Variants in TEX101 observed in about 807,000 individuals in gnomAD.
TEX101 encodes testis expressed 101, also known as testis-expressed protein 101.
TEX101 carries 10 observed loss-of-function variants against 18.1 expected under a neutral mutation model. That is an observed-to-expected ratio of 0.55 (90% confidence interval 0.34 to 0.94). The LOEUF is 0.94. TEX101 is among the 40% of genes least tolerant of loss of function. The pLI is 0.02. For missense variants in TEX101, 259 were observed against 298.9 expected (o/e 0.87, Z 0.98); for synonymous variants, 94 against 114.8 (o/e 0.82, Z 1.16).
upstream of TEX101, among the ~76,000 whole-genome samples, chr19:43,410,692 CCATGCACA>C (rs1970411083): frequency 1.3e-5 from 2 of 151,088 alleles, no homozygotes; most frequent in Non-Finnish European, 3.0e-5. Context: ...ACACACATGC[CCATGCACA>C]CATGCACACT....
the TEX101 span, among the ~76,000 whole-genome samples, chr19:43,389,236 G>C: frequency 6.6e-6 from 1 of 152,216 alleles, no homozygotes; most frequent in African/African-American, 2.4e-5. Flanking sequence ...TCTTCCCAAG[G>C]AGGAAGCCGG....
At chr19:43,414,856 G>T, upstream of TEX101, 1 of 985,440 alleles carries the variant, frequency 1.0e-6, no homozygotes, top group Non-Finnish European at 1.2e-6. Context: ...GGTTTCGAGT[G>T]CTGTGTGGCC....
the TEX101 span, among the ~76,000 whole-genome samples, chr19:43,395,100 G>A: frequency 6.6e-6 from 1 of 152,182 alleles, no homozygotes; most frequent in Non-Finnish European, 1.5e-5. Context: ...TTCTTCAAGG[G>A]AAGGTCCATC....
intron 1 of TEX101, among the ~76,000 whole-genome samples, chr19:43,415,354 C>T (rs1403537153): frequency 6.6e-6 from 1 of 152,056 alleles, no homozygotes. Flanking sequence ...GGTGGCCGGG[C>T]CTGAGAATTA....
At chr19:43,397,446 AC>A (rs1970277313), upstream of TEX101, among the ~76,000 whole-genome samples, 1 of 141,638 alleles carries the variant, frequency 7.1e-6, no homozygotes, top group South Asian at 2.4e-4. Context: ...TTACTTTCTT[AC>A]ACATCATCCT....
chr19:43,414,336 G>A (rs1263643707), upstream of TEX101, among the ~76,000 whole-genome samples: 2 of 152,186 alleles, frequency 1.3e-5, no homozygotes, highest in African/African-American at 2.4e-5. Flanking sequence ...GTGATGCTGA[G>A]GGGGGCATTC....
At chr19:43,403,202 C>T (rs1468871699) in intron 2 of TEX101, among the ~76,000 whole-genome samples, 1 of 152,112 alleles carries the variant, frequency 6.6e-6, no homozygotes, top group East Asian at 1.9e-4. Context: ...TATTGGATTC[C>T]TAAGATGTAA....
rs766469333 is a variant in TEX101 at position 43,415,884 on chromosome 19, C to G, written c.-36C>G. The G allele has an allele frequency of 2.1e-5, 34 of 1,613,838 alleles. No individual in the cohort carries two copies. In the East Asian group the frequency reaches 7.4e-4, roughly 35 times the overall value. On this transcript the variant is annotated 5_prime_UTR_variant, in exon 2 of 6. Coordinates refer to ENST00000598265, the MANE Select transcript of TEX101 (RefSeq NM_001130011.3). ...CTTCTCTCCATCAAATTCACAGATC[C>G]AGACCAGCTCCTCCCAGACCTCTCC...
intron 4 of TEX101, among the ~76,000 whole-genome samples, chr19:43,417,132 C>T (rs1210884644): frequency 1.3e-5 from 2 of 151,608 alleles, no homozygotes; most frequent in Non-Finnish European, 2.9e-5. Context: ...TGCACGAGAA[C>T]GGCCCAGTTC....
chr19:43,396,202 G>A, the TEX101 span, among the ~76,000 whole-genome samples: 1 of 152,214 alleles, frequency 6.6e-6, no homozygotes, highest in African/African-American at 2.4e-5. Flanking sequence ...AGCACCAAGT[G>A]GAGAGATATT....
upstream of TEX101, among the ~76,000 whole-genome samples, chr19:43,398,745 G>A (rs560451732): frequency 2.6e-5 from 4 of 152,184 alleles, no homozygotes; most frequent in South Asian, 2.1e-4. Flanking sequence ...TGAAACCTGC[G>A]TTGTTTACTA....
the TEX101 span, among the ~76,000 whole-genome samples, chr19:43,390,146 T>A: frequency 2.5e-3 from 376 of 152,296 alleles, 5 homozygotes; most frequent in Admixed American, 0.02. Context: ...TCAGCTCCAT[T>A]ACATTTCCTT....
chr19:43,396,744 CA>C (rs1970269623), upstream of TEX101, among the ~76,000 whole-genome samples: 1 of 151,822 alleles, frequency 6.6e-6, no homozygotes, highest in Non-Finnish European at 1.5e-5. Context: ...CAAATTACCG[CA>C]CGGCTTCGGG....
At chr19:43,408,403 C>A (rs1432043554) in intron 3 of TEX101, among the ~76,000 whole-genome samples, 1 of 152,164 alleles carries the variant, frequency 6.6e-6, no homozygotes, top group East Asian at 1.9e-4. Context: ...GCGGTGGCGG[C>A]GGCCTCGCCT....
rs1354059915 is a variant in TEX101 at position 43,418,448 on chromosome 19, T to C, written c.*51T>C. 1 of 1,508,106 alleles carries C rather than the reference T, an allele frequency of 6.6e-7. No homozygotes were observed. Among genetic ancestry groups the C allele is most frequent in the East Asian group, 2.3e-5 (1 of 44,122 alleles). 93.4% of individuals were successfully genotyped at this position (1,508,106 alleles called of 1,614,324 possible). On this transcript the variant is annotated 3_prime_UTR_variant, in exon 6 of 6. Transcript: ENST00000598265. The stretch of plus-strand genomic sequence containing the variant: ...AGGACATCTTTTTTGACTGGGAGCC[T>C]TCTTACTGTTGAGGTTCAACAAGCT...
chr19:43,406,280 C>T (rs1970362181), exon 3 of TEX101: 1 of 525,334 alleles, frequency 1.9e-6, no homozygotes, highest in African/African-American at 2.0e-5. Context: ...GCAGGAGCAA[C>T]CGTGACCCTC....
At chr19:43,417,253 C>T (rs2122353063) in intron 4 of TEX101, among the ~76,000 whole-genome samples, 1 of 152,158 alleles carries the variant, frequency 6.6e-6, no homozygotes, top group South Asian at 2.1e-4. Context: ...ACTCAAAATG[C>T]TTAACAATGT....
Position 43,418,522 on chromosome 19 carries a change from A to G in TEX101, c.*125A>G. 1 of 750,962 alleles carries G rather than the reference A, an allele frequency of 1.3e-6. No homozygotes were observed. Among genetic ancestry groups the G allele is most frequent in the Non-Finnish European group, 2.1e-6 (1 of 466,424 alleles). 46.5% of individuals were successfully genotyped at this position (750,962 alleles called of 1,614,324 possible). ...GAGAATACAGAGATACTATGAACGTATTTGACATTTTTAATACAATTTCTG... is the reference window on the plus strand; with the variant it reads ...GAGAATACAGAGATACTATGAACGTGTTTGACATTTTTAATACAATTTCTG... On this transcript the variant is annotated 3_prime_UTR_variant, in exon 6 of 6. Coordinates refer to ENST00000598265, the MANE Select transcript of TEX101 (RefSeq NM_001130011.3).
intron 4 of TEX101, among the ~76,000 whole-genome samples, chr19:43,416,814 C>T (rs1970484784): frequency 6.6e-6 from 1 of 151,922 alleles, no homozygotes; most frequent in Non-Finnish European, 1.5e-5. Context: ...AGGTGGATCG[C>T]CTGAGGTCAG....
Sources: allele counts gnomAD v4.1 joint callset (sites outside exome capture counted in the v4.1 genomes callset), GRCh38; gene constraint gnomAD v4.1.1; transcripts MANE v1.5; gene names NCBI Gene and HGNC (gene_info 2026-07-23, HGNC 2026-07-21).